Variants in CPXM2 observed in about 807,000 individuals in gnomAD.
CPXM2 encodes inactive carboxypeptidase-like protein X2.
Under a neutral mutation model 86.1 loss-of-function variants are expected in CPXM2, and 66 were observed. The observed-to-expected ratio is 0.77, with a 90% CI of 0.63 to 0.94. CPXM2 has a LOEUF of 0.94. Ranked by LOEUF, CPXM2 falls within the 40% of genes least tolerant of loss-of-function variation. The pLI is 0.00. For missense variants in CPXM2, 948 were observed against 1,026.3 expected, an observed-to-expected ratio of 0.92 and a Z score of 1.04; for synonymous variants, 388 against 400.2, an observed-to-expected ratio of 0.97 and a Z score of 0.36.
chr10:123,800,028 G>GT (rs530876054), intron 4 of CPXM2, among the ~76,000 whole-genome samples: 2,375 of 109,512 alleles, frequency 0.022, 14 homozygotes, highest in East Asian at 0.043. Flanking sequence ...TAGTTTTTTG[G>GT]TTTTTTTTTT....
At chr10:123,788,153 T>C (rs933289769) in intron 6 of CPXM2, among the ~76,000 whole-genome samples, 2 of 151,176 alleles carry the variant, frequency 1.3e-5, no homozygotes, top group Non-Finnish European at 2.9e-5. Context: ...TGATGGCACA[T>C]ACCTGTAATC....
chr10:123,921,906 A>G (rs533506761), intron 2 of CPXM2, among the ~76,000 whole-genome samples: 1 of 152,330 alleles, frequency 6.6e-6, no homozygotes, highest in East Asian at 1.9e-4. Context: ...TAGCTGAGGT[A>G]TGAAAGTTGT....
At chr10:123,766,865 GA>G in intron 10 of CPXM2, 107 bp downstream of exon 10, 3 of 901,774 alleles carry the variant, frequency 3.3e-6, no homozygotes, top group East Asian at 2.5e-5. Context: ...AAACATGAAA[GA>G]AAAAAACAGT....
At chr10:123,883,776 C>T (rs982556205) in intron 1 of CPXM2, among the ~76,000 whole-genome samples, 5 of 152,084 alleles carry the variant, frequency 3.3e-5, no homozygotes, top group East Asian at 1.9e-4. Context: ...ATTCCAAATC[C>T]GAGCCCTTCA....
intron 13 of CPXM2, chr10:123,750,477 T>C: frequency 2.0e-6 from 2 of 985,382 alleles, no homozygotes; most frequent in Non-Finnish European, 2.4e-6. Context: ...GGCCAGCCTG[T>C]GTATGTCCCC....
chr10:123,837,104 C>A (rs1848297662), intron 4 of CPXM2, among the ~76,000 whole-genome samples: 1 of 152,246 alleles, frequency 6.6e-6, no homozygotes, highest in Non-Finnish European at 1.5e-5. Context: ...TGGCATCTTA[C>A]CCACTCCTTT....
intron 4 of CPXM2, among the ~76,000 whole-genome samples, chr10:123,803,863 T>A (rs1450438672): frequency 6.6e-6 from 1 of 152,090 alleles, no homozygotes; most frequent in South Asian, 2.1e-4. Context: ...GGTTTCATCA[T>A]GTTTGCCAAG....
At chr10:123,880,746 G>A (rs755080160) in intron 1 of CPXM2, among the ~76,000 whole-genome samples, 3 of 140,596 alleles carry the variant, frequency 2.1e-5, no homozygotes, top group African/African-American at 8.1e-5. Context: ...GAAGAATGGC[G>A]TGAACCTGGG....
upstream of CPXM2, among the ~76,000 whole-genome samples, chr10:123,943,564 AG>A (rs1057094872): frequency 6.6e-6 from 1 of 152,202 alleles, no homozygotes; most frequent in African/African-American, 2.4e-5. Context: ...TGGGCCCCAC[AG>A]GGAGTTGCAT....
intron 1 of CPXM2, among the ~76,000 whole-genome samples, chr10:123,887,540 CTCCCA>C (rs1945198063): frequency 6.6e-6 from 1 of 152,186 alleles, no homozygotes; most frequent in African/African-American, 2.4e-5. Context: ...ACAACAGTGA[CTCCCA>C]TCCCCCTGGG....
At chr10:123,809,814 G>C (rs905816135) in intron 4 of CPXM2, among the ~76,000 whole-genome samples, 1 of 152,008 alleles carries the variant, frequency 6.6e-6, no homozygotes, top group African/African-American at 2.4e-5. Context: ...AAATAACAGA[G>C]TGTTTTATGC....
At chr10:123,797,435 GCCCGATTGTTCA>G (rs1323240860) in intron 6 of CPXM2, among the ~76,000 whole-genome samples, 1 of 152,176 alleles carries the variant, frequency 6.6e-6, no homozygotes, top group African/African-American at 2.4e-5. Context: ...GACTTTAGTA[GCCCGATTGTTCA>G]CTGTGCTTCC....
At chr10:123,844,891 G>C (rs542526885) in intron 3 of CPXM2, among the ~76,000 whole-genome samples, 4 of 151,900 alleles carry the variant, frequency 2.6e-5, no homozygotes, top group African/African-American at 9.7e-5. Flanking sequence ...ACAGGCAATT[G>C]CTTCAAAATG....
At chr10:123,853,048 A>G (rs1016716028) in intron 3 of CPXM2, among the ~76,000 whole-genome samples, 5 of 152,114 alleles carry the variant, frequency 3.3e-5, no homozygotes, top group Admixed American at 3.3e-4. Context: ...AGGTGATTAG[A>G]TCATGGGGGT....
intron 2 of CPXM2, 62 bp downstream of exon 2, chr10:123,880,145 TACCC>T: frequency 2.5e-6 from 1 of 407,572 alleles, no homozygotes. Context: ...CAGGGGCCTG[TACCC>T]ACCCACCCTC....
chr10:123,768,381 A>C lies in CPXM2; in HGVS notation c.1299+145T>G, dbSNP rs535831759. On this transcript the variant is annotated intron_variant, in intron 9 of 13. Coordinates refer to ENST00000241305, the MANE Select transcript of CPXM2 (RefSeq NM_198148.3). ...AGAGGGAGACTCCGACTCAAAAAAT[A>C]AATAAATAAATAAATAAATAAATAA... 3.3e-3 allele frequency: 155 copies of C among 46,988 alleles called. 1 individual carries two copies. In the East Asian group the frequency reaches 0.089, roughly 27 times the overall value. The allele number at this position is 46,988 out of a possible 1,614,324, so 2.9% of individuals were successfully genotyped here.
intron 4 of CPXM2, among the ~76,000 whole-genome samples, chr10:123,816,279 T>C (rs1490815396): frequency 2.0e-5 from 3 of 152,176 alleles, no homozygotes; most frequent in Non-Finnish European, 4.4e-5. Flanking sequence ...GAATGCATAA[T>C]TGGCATAGAC....
chr10:123,770,014 C>A (rs1376097525), intron 8 of CPXM2, among the ~76,000 whole-genome samples: 1 of 152,226 alleles, frequency 6.6e-6, no homozygotes, highest in East Asian at 1.9e-4. Flanking sequence ...TGCCTCACTC[C>A]TGTAATCCCA....
chr10:123,905,852 C>T (rs1945434409), intron 2 of CPXM2, among the ~76,000 whole-genome samples: 1 of 152,148 alleles, frequency 6.6e-6, no homozygotes, highest in African/African-American at 2.4e-5. Context: ...AGAAACGCTG[C>T]CTTTGCCATC....
Sources: gnomAD v4.1 joint callset for allele counts (sites outside exome capture counted in the v4.1 genomes callset) on GRCh38, gnomAD v4.1.1 for gene constraint, MANE v1.5 for transcripts, NCBI Gene and HGNC (gene_info 2026-07-23, HGNC 2026-07-21) for gene names.